YEATS4: variants seen among roughly 807,000 people sequenced by gnomAD.
YEATS4 encodes YEATS domain containing 4, also known as YEATS domain-containing protein 4.
A neutral mutation model predicts 30.1 loss-of-function variants in YEATS4; 17 were observed. That is an observed-to-expected ratio of 0.56 (90% confidence interval 0.39 to 0.85). The LOEUF (loss-of-function observed/expected upper bound fraction) is 0.85, where lower values mean the gene tolerates loss of function less well. YEATS4 is among the 40% of genes least tolerant of loss of function. The probability of loss-of-function intolerance (pLI) is 0.00; values close to 1 mark genes in which losing one functional copy is unlikely to be tolerated. For missense variants in YEATS4, 142 were observed against 268.3 expected, an observed-to-expected ratio of 0.53 and a Z score of 3.29; for synonymous variants, 85 against 87.5, an observed-to-expected ratio of 0.97 and a Z score of 0.16.
At chr12:69,371,775 GGTA>G (rs1408817163) in intron 6 of YEATS4, among the ~76,000 whole-genome samples, 1 of 152,198 alleles carries the variant, frequency 6.6e-6, no homozygotes, top group African/African-American at 2.4e-5. Context: ...GGAAGTATAA[GGTA>G]GTGATTAAGT....
At chr12:69,419,461 A>G in the YEATS4 span, among the ~76,000 whole-genome samples, 3 of 151,978 alleles carry the variant, frequency 2.0e-5, no homozygotes, top group South Asian at 4.2e-4. Context: ...GTCTCAAGTG[A>G]TCTTCCTGCG....
intron 3 of YEATS4, 26 bp downstream of exon 3, chr12:69,365,725 A>G (rs151285917): frequency 1.5e-5 from 24 of 1,604,294 alleles, no homozygotes; most frequent in African/African-American, 5.4e-5. Context: ...TTGATTCACA[A>G]TATCCAAAGT....
downstream of YEATS4, among the ~76,000 whole-genome samples, chr12:69,391,686 G>C (rs984907937): frequency 1.3e-5 from 2 of 152,132 alleles, no homozygotes; most frequent in Non-Finnish European, 2.9e-5. Context: ...ATTGTGCCAG[G>C]CATCATTCAT....
intron 6 of YEATS4, among the ~76,000 whole-genome samples, chr12:69,375,192 G>T (rs896695735): frequency 6.7e-6 from 1 of 149,332 alleles, no homozygotes; most frequent in Non-Finnish European, 1.5e-5. Flanking sequence ...CAGACGGGGC[G>T]GCCGGTCAGA....
At chr12:69,387,642 G>A (rs1038372452) in intron 6 of YEATS4, among the ~76,000 whole-genome samples, 2 of 152,202 alleles carry the variant, frequency 1.3e-5, no homozygotes, top group African/African-American at 2.4e-5. Context: ...TGAGCTTCCA[G>A]ATATAATGTT....
chr12:69,383,051 A>G (rs1876138518), intron 6 of YEATS4, among the ~76,000 whole-genome samples: 1 of 152,172 alleles, frequency 6.6e-6, no homozygotes, highest in African/African-American at 2.4e-5. Context: ...GCCTGAGCCC[A>G]GGACTTCAAG....
chr12:69,409,629 G>T, the YEATS4 span, among the ~76,000 whole-genome samples: 1 of 149,100 alleles, frequency 6.7e-6, no homozygotes, highest in African/African-American at 2.5e-5. Flanking sequence ...AAAAAAAAAA[G>T]ATATATATAT....
intron 6 of YEATS4, among the ~76,000 whole-genome samples, chr12:69,382,090 A>T (rs113698501): frequency 0.046 from 7,010 of 152,274 alleles, 527 homozygotes; most frequent in African/African-American, 0.16. Context: ...TTCCCTACCC[A>T]GAAGGCGTCC....
Position 69,370,739 on chromosome 12 carries a change from T to G in YEATS4, c.367T>G (p.Ser123Ala). ...TLYHLLKLFQ[S>A]DTNAMLGKKT... ...GTATCATTTGCTAAAGCTGTTTCAATCAGACACCAATGCAATGCTGGGGAA... is the reference window on the plus strand; with the variant it reads ...GTATCATTTGCTAAAGCTGTTTCAAGCAGACACCAATGCAATGCTGGGGAA... The change falls in exon 5 of 7, where the codon TCA (serine) becomes GCA (alanine). Residue 123 changes from serine (S) to alanine (A), a missense_variant. By Grantham distance (99) the Ser-to-Ala change is moderately conservative. Around this residue, in one of 3 missense-constraint regions of YEATS4, gnomAD observed 64 missense variants for 164.0 expected, o/e 0.39. Transcript: ENST00000247843. 6.3e-7 allele frequency: 1 copy of G among 1,590,300 alleles called. No homozygotes were observed. The highest frequency in any genetic ancestry group is 8.5e-7 in the Non-Finnish European group (1 of 1,172,650).
chr12:69,396,856 A>G, the YEATS4 span, among the ~76,000 whole-genome samples: 2 of 152,068 alleles, frequency 1.3e-5, no homozygotes, highest in Non-Finnish European at 2.9e-5. Flanking sequence ...GCTTTCTTTC[A>G]TCTCCCTAAA....
chr12:69,363,940 G>A lies in YEATS4; in HGVS notation c.171+1033G>A, dbSNP rs368036185. ...ATGAAACTTGAAAGCATTATGCTAA[G>A]TAAAAGAAGCCAAATATAAAAAAGG... is the stretch of plus-strand genomic sequence containing the variant. On this transcript the variant is annotated intron_variant, in intron 2 of 6. Transcript: ENST00000247843. Among the ~76,000 whole-genome samples, 43 of 152,290 alleles carry A rather than the reference G, an allele frequency of 2.8e-4. No homozygotes were observed. The South Asian group carries it at 8.5e-3, about 30-fold the overall frequency.
At chr12:69,417,814 G>T in the YEATS4 span, among the ~76,000 whole-genome samples, 1 of 146,670 alleles carries the variant, frequency 6.8e-6, no homozygotes, top group African/African-American at 2.5e-5. Flanking sequence ...TTTTTGTTGC[G>T]TGTCTCCCCA....
chr12:69,388,552 C>T (rs1414160118), intron 6 of YEATS4, among the ~76,000 whole-genome samples: 1 of 152,066 alleles, frequency 6.6e-6, no homozygotes, highest in South Asian at 2.1e-4. Context: ...GCAGCAGTTA[C>T]CAAAAATGTC....
chr12:69,387,923 T>G (rs1237204446), intron 6 of YEATS4, among the ~76,000 whole-genome samples: 2 of 152,164 alleles, frequency 1.3e-5, no homozygotes, highest in Non-Finnish European at 2.9e-5. Flanking sequence ...TGTATAAAAA[T>G]AATTTGTAAA....
chr12:69,361,641 CAT>C (rs1235046215), intron 1 of YEATS4, among the ~76,000 whole-genome samples: 2 of 152,186 alleles, frequency 1.3e-5, no homozygotes, highest in African/African-American at 4.8e-5. Context: ...GCACTTTTCA[CAT>C]GTGGTAAATC....
chr12:69,419,982 G>C, the YEATS4 span, among the ~76,000 whole-genome samples: 621 of 152,314 alleles, frequency 4.1e-3, 3 homozygotes, highest in Non-Finnish European at 6.2e-3. Flanking sequence ...GGCCTGAGTG[G>C]TTGAAGGTCA....
At chr12:69,376,666 T>A (rs1875886596) in intron 6 of YEATS4, among the ~76,000 whole-genome samples, 2 of 152,242 alleles carry the variant, frequency 1.3e-5, no homozygotes, top group African/African-American at 4.8e-5. Context: ...GGCCTGTGGT[T>A]TTCTTTTTTT....
chr12:69,375,445 C>T (rs2120988439), intron 6 of YEATS4, among the ~76,000 whole-genome samples: 1 of 150,456 alleles, frequency 6.6e-6, no homozygotes, highest in South Asian at 2.1e-4. Context: ...AGGGGCTCCT[C>T]ACATCCCAGA....
the YEATS4 span, among the ~76,000 whole-genome samples, chr12:69,424,889 G>C: frequency 6.6e-6 from 1 of 152,042 alleles, no homozygotes. Context: ...CTAATACAAA[G>C]TCCCAGGGTC....
Sources: allele counts gnomAD v4.1 joint callset (sites outside exome capture counted in the v4.1 genomes callset), GRCh38; gene constraint gnomAD v4.1.1; regional missense constraint gnomAD v4.1.1; transcripts MANE v1.5; gene names NCBI Gene and HGNC (gene_info 2026-07-23, HGNC 2026-07-21).